The following FHOD3 variants were observed in gnomAD, a reference collection of about 807,000 sequenced individuals.
FHOD3 encodes the protein FH1/FH2 domain-containing protein 3.
Under a neutral mutation model 173.0 loss-of-function variants are expected in FHOD3, and 90 were observed. That is an observed-to-expected ratio of 0.52 (90% CI 0.44 to 0.62). The LOEUF is 0.62. Among genes scored for constraint, FHOD3 ranks in the 20% least tolerant of loss-of-function variants. The probability of loss-of-function intolerance (pLI) is 0.00; values close to 1 mark genes in which losing one functional copy is unlikely to be tolerated. For synonymous variants in FHOD3, 828 were observed against 823.0 expected, an observed-to-expected ratio of 1.01 and a Z score of -0.10; for missense variants, 1,945 against 2,034.7, an observed-to-expected ratio of 0.96 and a Z score of 0.85.
chr18:36,389,815 C>T (rs568515727), intron 3 of FHOD3, among the ~76,000 whole-genome samples: 6 of 152,098 alleles, frequency 3.9e-5, no homozygotes, highest in East Asian at 1.9e-4. Context: ...TGAGGACAGA[C>T]GGGTGAATCT....
chr18:36,699,865 T>C (rs1051899819), intron 17 of FHOD3, among the ~76,000 whole-genome samples: 2 of 152,202 alleles, frequency 1.3e-5, no homozygotes, highest in Non-Finnish European at 2.9e-5. Flanking sequence ...GTAACTTCTG[T>C]GAGAAGGCTG....
intron 17 of FHOD3, among the ~76,000 whole-genome samples, chr18:36,705,580 A>T (rs2149627562): frequency 6.6e-6 from 1 of 152,264 alleles, no homozygotes; most frequent in South Asian, 2.1e-4. Flanking sequence ...CACTTTTGCC[A>T]CACGGATATC....
At chr18:36,637,546 G>A (rs144354527) in intron 10 of FHOD3, among the ~76,000 whole-genome samples, 5 of 152,288 alleles carry the variant, frequency 3.3e-5, no homozygotes, top group African/African-American at 9.6e-5. Context: ...GTGAGGCACC[G>A]TACTAGGCCC....
chr18:36,395,893 A>G (rs1238509896), intron 3 of FHOD3, among the ~76,000 whole-genome samples: 7 of 152,254 alleles, frequency 4.6e-5, no homozygotes, highest in Non-Finnish European at 1.0e-4. Context: ...GATATTACCC[A>G]CATAAACACA....
intron 4 of FHOD3, among the ~76,000 whole-genome samples, chr18:36,503,622 G>A (rs1029214456): frequency 6.6e-6 from 1 of 152,178 alleles, no homozygotes; most frequent in African/African-American, 2.4e-5. Context: ...GAAATGCCTT[G>A]GGGTTTAGAG....
In FHOD3 at chr18:36,730,630, CT is replaced by C; in HGVS notation, c.3418-10del. ...GATGATGCATTAATCTTGGATTCTC[CT>C]TTTTTATCACTAAGAAAACTGCTGC... On this transcript the variant is annotated splice_polypyrimidine_tract_variant and intron_variant, in intron 19 of 28. Transcript: ENST00000590592. 6.2e-7 allele frequency: 1 copy of C among 1,607,562 alleles called. No individual in the cohort carries two copies. Among genetic ancestry groups the C allele is most frequent in the Non-Finnish European group, 8.5e-7 (1 of 1,177,574 alleles).
chr18:36,460,647 A>G (rs12961774), intron 3 of FHOD3, among the ~76,000 whole-genome samples: 74,555 of 152,114 alleles, frequency 0.49, 19,191 homozygotes, highest in South Asian at 0.61. Flanking sequence ...CAGTTGATAG[A>G]CAAGGCCCTG....
chr18:36,306,504 G>T (rs970155161), intron 1 of FHOD3, among the ~76,000 whole-genome samples: 4 of 152,166 alleles, frequency 2.6e-5, no homozygotes, highest in African/African-American at 9.7e-5. Flanking sequence ...TTAACATAGA[G>T]AAACAGGCTA....
intron 6 of FHOD3, among the ~76,000 whole-genome samples, chr18:36,586,360 C>T (rs960315381): frequency 6.6e-6 from 1 of 152,170 alleles, no homozygotes; most frequent in Admixed American, 6.5e-5. Context: ...TGGAAAAGTA[C>T]CCAATCTTGT....
chr18:36,775,426 G>A (rs1231751360), intron 28 of FHOD3, among the ~76,000 whole-genome samples: 1 of 152,170 alleles, frequency 6.6e-6, no homozygotes, highest in East Asian at 1.9e-4. Flanking sequence ...TGTGGACTGT[G>A]ATCCAAAGTC....
At chr18:36,493,244 T>C (rs1360584657) in intron 3 of FHOD3, among the ~76,000 whole-genome samples, 3 of 150,062 alleles carry the variant, frequency 2.0e-5, no homozygotes, top group African/African-American at 7.4e-5. Flanking sequence ...AACTTGTATA[T>C]GGAGGCCATA....
At chr18:36,615,898 G>C (rs1599883877) in intron 9 of FHOD3, among the ~76,000 whole-genome samples, 1 of 152,156 alleles carries the variant, frequency 6.6e-6, no homozygotes, top group Non-Finnish European at 1.5e-5. Context: ...TATGATCTTG[G>C]GAGAGAAGAA....
chr18:36,339,442 G>T (rs1009126486), intron 1 of FHOD3, among the ~76,000 whole-genome samples: 5 of 152,328 alleles, frequency 3.3e-5, no homozygotes, highest in South Asian at 4.1e-4. Flanking sequence ...GCAGAAGGGG[G>T]CTCTGCACTT....
chr18:36,632,781 G>A (rs1280757407), intron 10 of FHOD3, among the ~76,000 whole-genome samples: 1 of 152,150 alleles, frequency 6.6e-6, no homozygotes, highest in Non-Finnish European at 1.5e-5. Context: ...GAATCTATAC[G>A]GGTCTGCATC....
chr18:36,329,841 C>T (rs2145182569), intron 1 of FHOD3, among the ~76,000 whole-genome samples: 1 of 152,328 alleles, frequency 6.6e-6, no homozygotes, highest in South Asian at 2.1e-4. Context: ...CCCAGGTTAC[C>T]ATTGGGCCCG....
intron 5 of FHOD3, among the ~76,000 whole-genome samples, chr18:36,570,820 T>C (rs1357067316): frequency 6.6e-6 from 1 of 152,170 alleles, no homozygotes; most frequent in Non-Finnish European, 1.5e-5. Context: ...CATTCATTCA[T>C]GATTTACAAA....
chr18:36,463,649 C>G (rs928851766), intron 3 of FHOD3, among the ~76,000 whole-genome samples: 3 of 151,970 alleles, frequency 2.0e-5, no homozygotes, highest in Non-Finnish European at 4.4e-5. Flanking sequence ...GTGTGCACCA[C>G]CATGCCCAGC....
At chr18:36,637,895 G>T (rs2035004463) in intron 10 of FHOD3, among the ~76,000 whole-genome samples, 2 of 152,186 alleles carry the variant, frequency 1.3e-5, no homozygotes. Context: ...TTATGTTGTG[G>T]ATGCCACCAG....
chr18:36,668,424 T>A (rs2149293070), intron 14 of FHOD3, among the ~76,000 whole-genome samples: 1 of 152,168 alleles, frequency 6.6e-6, no homozygotes, highest in South Asian at 2.1e-4. Context: ...TTCCAATCAG[T>A]CTGGCTAGAG....
Sources: gnomAD v4.1 joint callset for allele counts (sites outside exome capture counted in the v4.1 genomes callset) on GRCh38, gnomAD v4.1.1 for gene constraint, MANE v1.5 for transcripts, NCBI Gene and HGNC (gene_info 2026-07-23, HGNC 2026-07-21) for gene names.